The following SLC13A3 variants were observed in gnomAD, a reference collection of about 807,000 sequenced individuals.
The protein encoded by SLC13A3 is solute carrier family 13 member 3.
In SLC13A3, 40 loss-of-function variants were observed where a neutral mutation model predicts 59.0. The ratio of observed to expected loss-of-function variants is 0.68; its 90% CI spans 0.53 to 0.88. SLC13A3 has a LOEUF of 0.88. Ranked by LOEUF, SLC13A3 falls within the 40% of genes least tolerant of loss-of-function variation. The probability of loss-of-function intolerance (pLI) is 0.00; values close to 1 mark genes in which losing one functional copy is unlikely to be tolerated. For synonymous variants in SLC13A3, 317 were observed against 330.3 expected (o/e 0.96, Z 0.44); for missense variants, 699 against 783.2 (o/e 0.89, Z 1.28).
intron 1 of SLC13A3, among the ~76,000 whole-genome samples, chr20:46,646,214 G>A (rs1035283275): frequency 5.3e-5 from 8 of 152,266 alleles, no homozygotes; most frequent in Middle Eastern, 3.4e-3. Context: ...CTTCCTGGCC[G>A]CTCTCACTTC....
At chr20:46,561,595 G>A (rs150771849) in intron 12 of SLC13A3, among the ~76,000 whole-genome samples, 38 of 150,634 alleles carry the variant, frequency 2.5e-4, no homozygotes, top group Admixed American at 6.6e-4. Context: ...TAATAATACC[G>A]GTTTTCCATT....
intron 9 of SLC13A3, chr20:46,583,283 GT>G (rs139769361): frequency 7.0e-5 from 52 of 740,356 alleles, no homozygotes; most frequent in South Asian, 1.3e-4. Flanking sequence ...TTTTCTTTTG[GT>G]TTTTTTTTCA....
chr20:46,650,902 T>TA (rs886133060), intron 1 of SLC13A3, among the ~76,000 whole-genome samples: 25 of 151,452 alleles, frequency 1.7e-4, no homozygotes, highest in South Asian at 6.3e-4. Flanking sequence ...CTATCTCTAT[T>TA]AAAAAAAAAT....
intron 9 of SLC13A3, 166 bp downstream of exon 9, chr20:46,583,406 C>T (rs1413393436): frequency 1.4e-6 from 2 of 1,417,776 alleles, no homozygotes; most frequent in South Asian, 3.2e-5. Flanking sequence ...GGACTACCAC[C>T]TGGGGCAGCC....
chr20:46,577,257 G>A (rs1166766898), intron 9 of SLC13A3, among the ~76,000 whole-genome samples: 4 of 142,036 alleles, frequency 2.8e-5, no homozygotes. Flanking sequence ...GCCCAAAGAT[G>A]TATCAGTCCA....
At chr20:46,608,526 G>T (rs2062459022) in intron 3 of SLC13A3, among the ~76,000 whole-genome samples, 1 of 152,140 alleles carries the variant, frequency 6.6e-6, no homozygotes, top group Non-Finnish European at 1.5e-5. Context: ...CTGCCACTTT[G>T]CCAATGCTAT....
At chr20:46,591,300 T>C (rs982001453) in intron 6 of SLC13A3, among the ~76,000 whole-genome samples, 35 of 152,236 alleles carry the variant, frequency 2.3e-4, no homozygotes, top group African/African-American at 7.7e-4. Flanking sequence ...AAGAAACCAA[T>C]AAAAGTGGAT....
At chr20:46,585,590 G>T in intron 8 of SLC13A3, 1 of 1,150,040 alleles carries the variant, frequency 8.7e-7, no homozygotes. Flanking sequence ...ACAAATGTAT[G>T]CAGTCCGATA....
chr20:46,571,889 A>G (rs555899244), intron 10 of SLC13A3, among the ~76,000 whole-genome samples: 4 of 152,256 alleles, frequency 2.6e-5, no homozygotes, highest in Admixed American at 6.5e-5. Flanking sequence ...TGTGGGGTGC[A>G]TGTGAGTCTG....
At chr20:46,615,816 T>A (rs2062548808) in intron 1 of SLC13A3, among the ~76,000 whole-genome samples, 1 of 152,214 alleles carries the variant, frequency 6.6e-6, no homozygotes, top group Admixed American at 6.5e-5. Context: ...TTCATGAAAT[T>A]TATAGATGTG....
At chr20:46,668,768 G>A (rs967224704) in intron 1 of SLC13A3, among the ~76,000 whole-genome samples, 1 of 152,212 alleles carries the variant, frequency 6.6e-6, no homozygotes, top group Non-Finnish European at 1.5e-5. Context: ...TTGAAGTTCT[G>A]CTCATTTGCC....
chr20:46,620,842 C>T (rs145976416), intron 1 of SLC13A3, among the ~76,000 whole-genome samples: 67 of 152,230 alleles, frequency 4.4e-4, no homozygotes, highest in Non-Finnish European at 7.4e-4. Flanking sequence ...GACCACTGCA[C>T]CGAGATCAGC....
intron 1 of SLC13A3, among the ~76,000 whole-genome samples, chr20:46,621,983 A>T (rs2062620029): frequency 1.3e-5 from 2 of 152,184 alleles, no homozygotes; most frequent in Non-Finnish European, 2.9e-5. Context: ...TAGGGTGGTA[A>T]ATGGTGCCAA....
chr20:46,600,750 A>C lies in SLC13A3; in HGVS notation c.542-713T>G, dbSNP rs77000810. 3.7e-3 allele frequency: 737 copies of C among 200,994 alleles called. 2 individuals are homozygous for C. The highest frequency in any genetic ancestry group is 0.016 in the African/African-American group (706 of 43,068). 12.5% of individuals were successfully genotyped at this position (200,994 alleles called of 1,614,324 possible). The stretch of plus-strand genomic sequence containing the variant: ...ATGTTCTCAGGGTACTCTGTGAACA[A>C]TATAGAACAAGGCCCCTGGCTTCCA... On this transcript the variant is annotated intron_variant, in intron 3 of 12. Transcript: ENST00000279027.
At chr20:46,563,666 CAGAG>C in intron 11 of SLC13A3, 115 bp from the exon 12 acceptor site, 1 of 1,148,770 alleles carries the variant, frequency 8.7e-7, no homozygotes, top group Non-Finnish European at 1.2e-6. Flanking sequence ...GACGTAGAGA[CAGAG>C]AGACAAAGAC....
chr20:46,606,151 C>G (rs2062435710), intron 3 of SLC13A3, among the ~76,000 whole-genome samples: 1 of 152,150 alleles, frequency 6.6e-6, no homozygotes, highest in African/African-American at 2.4e-5. Flanking sequence ...GAGCTTGGAA[C>G]CTGTGGAGGA....
At chr20:46,613,813 A>G in intron 1 of SLC13A3, 88 bp from the exon 2 acceptor site, 28 of 916,986 alleles carry the variant, frequency 3.1e-5, no homozygotes, top group South Asian at 2.4e-4. Context: ...AGGGGGAAGG[A>G]GGCCTGGGCT....
intron 6 of SLC13A3, among the ~76,000 whole-genome samples, chr20:46,590,575 C>T (rs985844244): frequency 6.6e-5 from 10 of 152,108 alleles, no homozygotes; most frequent in African/African-American, 2.4e-4. Flanking sequence ...CATATGCTTC[C>T]AAACCTATGA....
In SLC13A3 at chr20:46,559,903, G is replaced by C. The variant is rs1168972132; in HGVS notation, c.*119C>G. 9 of 1,029,770 alleles carry C rather than the reference G, an allele frequency of 8.7e-6. No homozygotes were observed. The Admixed American group carries it at 1.2e-4, about 13-fold the overall frequency. 63.8% of individuals were successfully genotyped at this position (1,029,770 alleles called of 1,614,324 possible). ...GAGTGGGCCACTGGAGGTCACCCTT[G>C]CTTGCTGCATATTGGATTACAGAAA... On this transcript the variant is annotated 3_prime_UTR_variant, in exon 13 of 13. Transcript: ENST00000279027.
Sources: gnomAD v4.1 joint callset for allele counts (sites outside exome capture counted in the v4.1 genomes callset) on GRCh38, gnomAD v4.1.1 for gene constraint, MANE v1.5 for transcripts, NCBI Gene and HGNC (gene_info 2026-07-23, HGNC 2026-07-21) for gene names.